Variants in SCHIP1 observed in about 807,000 individuals in gnomAD.
SCHIP1 encodes schwannomin-interacting protein 1.
Under a neutral mutation model 29.7 loss-of-function variants are expected in SCHIP1, and 8 were observed. The ratio of observed to expected loss-of-function variants is 0.27; its 90% CI spans 0.16 to 0.49. The LOEUF is 0.49. SCHIP1 is among the 20% of genes least tolerant of loss of function. SCHIP1 has a pLI of 0.99. For synonymous variants in SCHIP1, 76 were observed against 94.9 expected (o/e 0.80, Z 1.16); for missense variants, 193 against 294.6 (o/e 0.66, Z 2.52).
At chr3:159,749,547 G>A in the SCHIP1 span, among the ~76,000 whole-genome samples, 4 of 152,168 alleles carry the variant, frequency 2.6e-5, no homozygotes, top group African/African-American at 4.8e-5. Flanking sequence ...GCACTAGGTC[G>A]CGCTTTAGGT....
the SCHIP1 span, among the ~76,000 whole-genome samples, chr3:159,309,924 GGTGTAAATTATTTTCATTCTTT>G: frequency 6.6e-6 from 1 of 152,012 alleles, no homozygotes; most frequent in Non-Finnish European, 1.5e-5. Flanking sequence ...TAATTACCTT[GGTGTAAATTATTTTCATTCTTT>G]AGGGAAAGCC....
the SCHIP1 span, among the ~76,000 whole-genome samples, chr3:159,626,091 TAGATAGATAGATAGATAGATAG>T: frequency 0.036 from 982 of 27,166 alleles, 80 homozygotes; most frequent in East Asian, 0.073. Flanking sequence ...GCAGCTTATA[TAGATAGATAGATAGATAGATAG>T]ATAGATAGAT....
chr3:159,422,243 A>C, the SCHIP1 span, among the ~76,000 whole-genome samples: 1 of 152,180 alleles, frequency 6.6e-6, no homozygotes, highest in African/African-American at 2.4e-5. Context: ...AATGAAAAGG[A>C]TGGAAGCATG....
At chr3:159,631,368 A>C in the SCHIP1 span, among the ~76,000 whole-genome samples, 1 of 152,136 alleles carries the variant, frequency 6.6e-6, no homozygotes, top group Admixed American at 6.6e-5. Flanking sequence ...TAAAACAGGA[A>C]CTCTAACAGA....
At chr3:159,540,482 C>T in the SCHIP1 span, among the ~76,000 whole-genome samples, 1 of 151,952 alleles carries the variant, frequency 6.6e-6, no homozygotes, top group Non-Finnish European at 1.5e-5. Flanking sequence ...ATCTTTGTCC[C>T]GAGGGGAGCA....
chr3:159,293,810 G>A, the SCHIP1 span, among the ~76,000 whole-genome samples: 21 of 152,040 alleles, frequency 1.4e-4, no homozygotes, highest in Admixed American at 1.1e-3. Flanking sequence ...ATTCTCTCTC[G>A]GAGGTGGAAG....
At chr3:159,475,945 G>C in the SCHIP1 span, among the ~76,000 whole-genome samples, 1 of 152,122 alleles carries the variant, frequency 6.6e-6, no homozygotes, top group Admixed American at 6.6e-5. Context: ...TTTAGACAAG[G>C]ACCCACATTT....
At chr3:159,748,051 T>G in the SCHIP1 span, among the ~76,000 whole-genome samples, 1 of 152,236 alleles carries the variant, frequency 6.6e-6, no homozygotes, top group Admixed American at 6.5e-5. Context: ...ATTTGTTCCA[T>G]TTTTTGTTTA....
At chr3:159,414,050 G>A in the SCHIP1 span, among the ~76,000 whole-genome samples, 2 of 152,182 alleles carry the variant, frequency 1.3e-5, no homozygotes, top group African/African-American at 2.4e-5. Flanking sequence ...CTTTGTGGGC[G>A]TTATGTGAAC....
chr3:159,675,093 G>A, the SCHIP1 span, among the ~76,000 whole-genome samples: 1 of 152,248 alleles, frequency 6.6e-6, no homozygotes, highest in Non-Finnish European at 1.5e-5. Context: ...GACAGAAGTA[G>A]AGGTGGAGAA....
At chr3:159,280,028 G>A in the SCHIP1 span, among the ~76,000 whole-genome samples, 1 of 152,174 alleles carries the variant, frequency 6.6e-6, no homozygotes, top group African/African-American at 2.4e-5. Flanking sequence ...AGAATTCAGG[G>A]AAGGGAATTT....
chr3:159,800,758 A>T, the SCHIP1 span, among the ~76,000 whole-genome samples: 2 of 151,742 alleles, frequency 1.3e-5, no homozygotes, highest in African/African-American at 4.8e-5. Context: ...GTGCGAGCTC[A>T]GATACCTTAA....
chr3:159,849,449 A>G (rs1712280416), intron 1 of SCHIP1, among the ~76,000 whole-genome samples: 1 of 152,216 alleles, frequency 6.6e-6, no homozygotes. Context: ...TAGGTTTCTA[A>G]GTGGACTACG....
the SCHIP1 span, among the ~76,000 whole-genome samples, chr3:159,654,132 A>G: frequency 6.6e-6 from 1 of 152,176 alleles, no homozygotes; most frequent in African/African-American, 2.4e-5. Flanking sequence ...TGCAAATCGC[A>G]TAAAGATGTC....
At chr3:159,277,859 G>T in the SCHIP1 span, among the ~76,000 whole-genome samples, 1 of 151,786 alleles carries the variant, frequency 6.6e-6, no homozygotes, top group Non-Finnish European at 1.5e-5. Flanking sequence ...AGGTTGCAAT[G>T]AGTCGAGATC....
intron 1 of SCHIP1, among the ~76,000 whole-genome samples, chr3:159,856,781 C>T (rs965014231): frequency 6.6e-6 from 1 of 152,108 alleles, no homozygotes; most frequent in Non-Finnish European, 1.5e-5. Flanking sequence ...CTGGAAGGAA[C>T]AATATTTAAA....
chr3:159,519,010 T>C, the SCHIP1 span, among the ~76,000 whole-genome samples: 5 of 152,142 alleles, frequency 3.3e-5, no homozygotes, highest in Non-Finnish European at 7.4e-5. Context: ...ATTTAATAGA[T>C]GACTTCCATT....
At chr3:159,457,582 A>G in the SCHIP1 span, among the ~76,000 whole-genome samples, 1 of 152,104 alleles carries the variant, frequency 6.6e-6, no homozygotes, top group Non-Finnish European at 1.5e-5. Flanking sequence ...GATTTAAAAT[A>G]TCATGTATTA....
chr3:159,613,191 CA>C, the SCHIP1 span, among the ~76,000 whole-genome samples: 4 of 152,112 alleles, frequency 2.6e-5, no homozygotes, highest in Admixed American at 6.5e-5. Context: ...CTTCATTTTT[CA>C]TTTTTGAAAT....
Sources: allele counts gnomAD v4.1 joint callset (sites outside exome capture counted in the v4.1 genomes callset), GRCh38; gene constraint gnomAD v4.1.1; transcripts MANE v1.5; gene names NCBI Gene and HGNC (gene_info 2026-07-23, HGNC 2026-07-21).